VTI1A: variants seen among roughly 807,000 people sequenced by gnomAD.
VTI1A encodes the protein vesicle transport through interaction with t-SNAREs homolog 1A.
A neutral mutation model predicts 34.9 loss-of-function variants in VTI1A; 22 were observed. The observed-to-expected ratio is 0.63, with a 90% CI of 0.45 to 0.90. The LOEUF (loss-of-function observed/expected upper bound fraction) is 0.90, where lower values mean the gene tolerates loss of function less well. VTI1A is among the 40% of genes least tolerant of loss of function. The pLI is 0.00. For missense variants in VTI1A, 268 were observed against 275.6 expected (o/e 0.97, Z 0.20); for synonymous variants, 87 against 97.3 (o/e 0.89, Z 0.62).
At chr10:112,460,260 A>G (rs1450300969) in intron 1 of VTI1A, among the ~76,000 whole-genome samples, 1 of 152,168 alleles carries the variant, frequency 6.6e-6, no homozygotes, top group African/African-American at 2.4e-5. Context: ...GGGCAACATA[A>G]TTTTTAGTCT....
chr10:112,655,400 T>C (rs1257767861), intron 5 of VTI1A, among the ~76,000 whole-genome samples: 1 of 152,098 alleles, frequency 6.6e-6, no homozygotes, highest in African/African-American at 2.4e-5. Flanking sequence ...CAGGGCTCCA[T>C]GAAGACCTAG....
At chr10:112,669,997 T>A (rs756656685) in intron 7 of VTI1A, among the ~76,000 whole-genome samples, 1 of 152,174 alleles carries the variant, frequency 6.6e-6, no homozygotes, top group African/African-American at 2.4e-5. Context: ...AAGGCTAGTA[T>A]AATGTGACAT....
chr10:112,716,335 A>T (rs1320675797), intron 7 of VTI1A, among the ~76,000 whole-genome samples: 2 of 152,194 alleles, frequency 1.3e-5, no homozygotes, highest in Non-Finnish European at 2.9e-5. Context: ...TATGGAACAC[A>T]TGCTGTTGAG....
At chr10:112,648,990 G>C (rs1404143994) in intron 5 of VTI1A, among the ~76,000 whole-genome samples, 1 of 152,002 alleles carries the variant, frequency 6.6e-6, no homozygotes, top group Non-Finnish European at 1.5e-5. Context: ...AGATATTTGG[G>C]GTATTTTTTT....
chr10:112,473,931 C>T (rs1848190390), intron 3 of VTI1A, among the ~76,000 whole-genome samples: 1 of 152,154 alleles, frequency 6.6e-6, no homozygotes, highest in Non-Finnish European at 1.5e-5. Flanking sequence ...ATGGAAGATA[C>T]ATTTAATGTT....
At chr10:112,785,508 T>A (rs974516083) in intron 7 of VTI1A, among the ~76,000 whole-genome samples, 1 of 152,226 alleles carries the variant, frequency 6.6e-6, no homozygotes, top group African/African-American at 2.4e-5. Flanking sequence ...AAGCTGTTAA[T>A]TTTGATAAAA....
intron 5 of VTI1A, among the ~76,000 whole-genome samples, chr10:112,654,636 G>T (rs958943542): frequency 6.6e-6 from 1 of 152,030 alleles, no homozygotes; most frequent in African/African-American, 2.4e-5. Flanking sequence ...GGGACTACAG[G>T]CACCCACCAC....
At chr10:112,741,950 G>T (rs572625653) in intron 7 of VTI1A, among the ~76,000 whole-genome samples, 3 of 152,192 alleles carry the variant, frequency 2.0e-5, no homozygotes, top group Non-Finnish European at 4.4e-5. Context: ...AATGCATATT[G>T]AGATATATCA....
At chr10:112,734,785 T>G (rs1163102277) in intron 7 of VTI1A, among the ~76,000 whole-genome samples, 1 of 151,870 alleles carries the variant, frequency 6.6e-6, no homozygotes, top group African/African-American at 2.4e-5. Flanking sequence ...CCCGAATAGC[T>G]GGGATTACAG....
At chr10:112,607,816 C>T (rs1435005742) in intron 5 of VTI1A, among the ~76,000 whole-genome samples, 1 of 152,164 alleles carries the variant, frequency 6.6e-6, no homozygotes, top group Non-Finnish European at 1.5e-5. Flanking sequence ...TGTCTGGAAG[C>T]CTTGTGCTTT....
chr10:112,650,954 T>C (rs1468274015), intron 5 of VTI1A, among the ~76,000 whole-genome samples: 4 of 152,248 alleles, frequency 2.6e-5, no homozygotes, highest in Non-Finnish European at 5.9e-5. Context: ...ATATGACTGA[T>C]TGCTTTGATA....
At chr10:112,742,853 A>T (rs1021244090) in intron 7 of VTI1A, among the ~76,000 whole-genome samples, 1 of 152,278 alleles carries the variant, frequency 6.6e-6, no homozygotes, top group Admixed American at 6.5e-5. Flanking sequence ...ATAAATGAAC[A>T]GGAAATACAG....
At chr10:112,723,141 A>G (rs1184542522) in intron 7 of VTI1A, among the ~76,000 whole-genome samples, 1 of 152,166 alleles carries the variant, frequency 6.6e-6, no homozygotes, top group Non-Finnish European at 1.5e-5. Context: ...CCCAAAAGAA[A>G]ATTAAAACTC....
chr10:112,748,978 G>T (rs1032801389), intron 7 of VTI1A, among the ~76,000 whole-genome samples: 28 of 152,116 alleles, frequency 1.8e-4, no homozygotes, highest in African/African-American at 6.8e-4. Flanking sequence ...CAAAACCTTG[G>T]AGTTACAGAT....
At chr10:112,581,874 G>A (rs1843958053) in intron 5 of VTI1A, among the ~76,000 whole-genome samples, 1 of 152,098 alleles carries the variant, frequency 6.6e-6, no homozygotes, top group Non-Finnish European at 1.5e-5. Flanking sequence ...AACTTAATAG[G>A]CAAAATGCTC....
At chr10:112,582,993 T>A (rs985382108) in intron 5 of VTI1A, among the ~76,000 whole-genome samples, 1 of 152,200 alleles carries the variant, frequency 6.6e-6, no homozygotes, top group Non-Finnish European at 1.5e-5. Context: ...CGTTTGCTGA[T>A]ACATGTATTC....
chr10:112,804,044 T>C (rs1413125251), intron 7 of VTI1A, among the ~76,000 whole-genome samples: 1 of 152,234 alleles, frequency 6.6e-6, no homozygotes, highest in Non-Finnish European at 1.5e-5. Context: ...TGAAATTTGC[T>C]GTACACATTT....
At chr10:112,787,162 C>T (rs1923258) in intron 7 of VTI1A, among the ~76,000 whole-genome samples, 120,042 of 152,158 alleles carry the variant, frequency 0.79, 47,665 homozygotes, top group East Asian at 0.94. Context: ...TTTGTCCATT[C>T]TACCTAAATT....
the VTI1A span, chr10:112,826,667 G>C: frequency 1.3e-5 from 2 of 152,178 alleles, no homozygotes; most frequent in Non-Finnish European, 2.9e-5. Context: ...ACTAGGTTTG[G>C]ATTTAGAGAC....
Sources: allele counts gnomAD v4.1 joint callset (sites outside exome capture counted in the v4.1 genomes callset), GRCh38; gene constraint gnomAD v4.1.1; transcripts MANE v1.5; gene names NCBI Gene and HGNC (gene_info 2026-07-23, HGNC 2026-07-21).